Variants in EFHD1 observed in about 807,000 individuals in gnomAD.
EFHD1 encodes EF-hand domain-containing protein D1.
In EFHD1, 10 loss-of-function variants were observed where a neutral mutation model predicts 17.2. The observed-to-expected ratio is 0.58, with a 90% CI of 0.36 to 0.99. EFHD1 has a LOEUF of 0.99. Ranked by LOEUF, EFHD1 falls within the 50% of genes least tolerant of loss-of-function variation. The probability of loss-of-function intolerance (pLI) is 0.01; values close to 1 mark genes in which losing one functional copy is unlikely to be tolerated. For synonymous variants in EFHD1, 153 were observed against 142.0 expected (o/e 1.08, Z -0.55); for missense variants, 310 against 327.5 (o/e 0.95, Z 0.41).
At chr2:232,645,192 T>C (rs1463599732) in intron 1 of EFHD1, among the ~76,000 whole-genome samples, 1 of 152,092 alleles carries the variant, frequency 6.6e-6, no homozygotes, top group Non-Finnish European at 1.5e-5. Context: ...GCAGTGACAG[T>C]GGCAGCATCC....
Position 232,633,885 on chromosome 2 carries a change from C to A in EFHD1, c.181C>A (p.Arg61=). 6.5e-7 allele frequency: 1 copy of A among 1,548,098 alleles called. No individual in the cohort carries two copies. Among genetic ancestry groups the A allele is most frequent in the Non-Finnish European group, 8.6e-7 (1 of 1,157,800 alleles). The change falls in exon 1 of 4, where the codon CGG becomes AGG. Residue 61 remains arginine, a synonymous_variant. Transcript: ENST00000264059. The part of the protein sequence containing the change: ...ADAELSAQLS[R]RLDINEGAAR... ...CGCGGAGCTGAGCGCCCAGCTGAGC[C>A]GGCGGCTGGACATCAACGAGGGCGC...
In EFHD1 at chr2:232,633,615, G is replaced by T; in HGVS notation, c.-90G>T. The T allele has an allele frequency of 2.3e-6, 3 of 1,332,876 alleles. No homozygotes were observed. Among genetic ancestry groups the T allele is most frequent in the Non-Finnish European group, 2.9e-6 (3 of 1,049,874 alleles). The allele number at this position is 1,332,876 out of a possible 1,614,324, so 82.6% of individuals were successfully genotyped here. A position where few individuals can be genotyped will look rare whatever the true frequency, so the allele number is the denominator to read the frequency against. ...CCCGCCGCCTCGGCGGAGTGTTGTA[G>T]AGCCTCGAGCCTGCGAGGAGCGCGC... On this transcript the variant is annotated 5_prime_UTR_variant, in exon 1 of 4. Coordinates refer to ENST00000264059, the MANE Select transcript of EFHD1 (RefSeq NM_025202.4).
chr2:232,616,448 G>A (rs916524592), intron 1 of EFHD1, among the ~76,000 whole-genome samples: 4 of 151,998 alleles, frequency 2.6e-5, no homozygotes, highest in Non-Finnish European at 5.9e-5. Flanking sequence ...ACAGGCACAC[G>A]CCACCACACC....
At chr2:232,641,778 C>T (rs1341149275) in intron 1 of EFHD1, among the ~76,000 whole-genome samples, 1 of 152,236 alleles carries the variant, frequency 6.6e-6, no homozygotes, top group Non-Finnish European at 1.5e-5. Context: ...TCCCCTTTCT[C>T]ACTTCTCGGC....
At chr2:232,644,630 C>T (rs1694493536) in intron 1 of EFHD1, among the ~76,000 whole-genome samples, 1 of 151,894 alleles carries the variant, frequency 6.6e-6, no homozygotes, top group Non-Finnish European at 1.5e-5. Flanking sequence ...CTGTCTCAGC[C>T]TCCCGAGTAG....
chr2:232,668,925 C>G (rs764934874), intron 2 of EFHD1, among the ~76,000 whole-genome samples: 1 of 152,212 alleles, frequency 6.6e-6, no homozygotes, highest in Non-Finnish European at 1.5e-5. Flanking sequence ...TGAGCCACCA[C>G]GCCCAGCCAG....
intron 3 of EFHD1, among the ~76,000 whole-genome samples, chr2:232,677,093 C>T (rs1695186853): frequency 1.3e-5 from 2 of 152,152 alleles, no homozygotes; most frequent in East Asian, 3.9e-4. Flanking sequence ...GTAAAAGTGA[C>T]CTGGTGCAGT....
Position 232,615,529 on chromosome 2 carries a change from T to C in EFHD1, c.14+9356T>C, listed in dbSNP as rs369873819. ...GTGGATTGACCTCTGGATGGTACTG[T>C]CAGGCACAGAGGGGTTTTGTTTCTT... On this transcript the variant is annotated intron_variant, in intron 1 of 3. Transcript: ENST00000409613. 4.1e-4 allele frequency among the ~76,000 whole-genome samples: 63 copies of C among 152,204 alleles called. 2 individuals carry two copies. The South Asian group carries it at 0.013, about 31-fold the overall frequency.
At chr2:232,675,266 AAAAG>A (rs960837829) in intron 3 of EFHD1, among the ~76,000 whole-genome samples, 147 of 143,582 alleles carry the variant, frequency 1.0e-3, no homozygotes, top group African/African-American at 3.4e-3. Flanking sequence ...AAAAGAAAAG[AAAAG>A]AAAGAAAGAA....
chr2:232,670,390 G>A (rs988929529), intron 2 of EFHD1, among the ~76,000 whole-genome samples: 3 of 152,010 alleles, frequency 2.0e-5, no homozygotes, highest in African/African-American at 2.4e-5. Context: ...GCAGTGAGCC[G>A]AGATCGAGCC....
chr2:232,638,853 G>A (rs577882948), intron 1 of EFHD1, among the ~76,000 whole-genome samples: 1 of 152,334 alleles, frequency 6.6e-6, no homozygotes, highest in South Asian at 2.1e-4. Flanking sequence ...CACCTGCACT[G>A]GAGTTTGTAC....
intron 1 of EFHD1, among the ~76,000 whole-genome samples, chr2:232,612,620 C>G (rs1466917766): frequency 2.6e-5 from 4 of 152,120 alleles, no homozygotes; most frequent in Admixed American, 2.6e-4. Context: ...AGAGGCTGAC[C>G]ACACCAAGAC....
At position 232,681,995 on chromosome 2, in the gene EFHD1, C is replaced by T. The variant is rs534697970; in HGVS notation, c.*276C>T. On this transcript the variant is annotated 3_prime_UTR_variant, in exon 4 of 4. Transcript: ENST00000264059. ...ACTTGTATCTTCTCAGCAACCTTCA[C>T]TTTGTCCTTGTCCCTTTACCATTCC... is the stretch of plus-strand genomic sequence containing the variant. 8.6e-5 allele frequency: 34 copies of T among 396,288 alleles called. No homozygotes were observed. The highest frequency in any genetic ancestry group is 6.3e-4 in the African/African-American group (31 of 48,952). 24.5% of individuals were successfully genotyped at this position (396,288 alleles called of 1,614,324 possible).
intron 3 of EFHD1, among the ~76,000 whole-genome samples, chr2:232,673,344 A>G (rs1395857043): frequency 6.6e-6 from 1 of 152,210 alleles, no homozygotes; most frequent in Non-Finnish European, 1.5e-5. Context: ...GCTTAGCAGG[A>G]CAGTTTTCAC....
chr2:232,647,949 T>A (rs1165922729), intron 1 of EFHD1, among the ~76,000 whole-genome samples: 1 of 151,972 alleles, frequency 6.6e-6, no homozygotes, highest in East Asian at 1.9e-4. Context: ...CTTTCAGAAC[T>A]TTTATGCAGA....
chr2:232,618,405 G>A (rs561691219), intron 1 of EFHD1, among the ~76,000 whole-genome samples: 4 of 152,262 alleles, frequency 2.6e-5, no homozygotes, highest in South Asian at 4.1e-4. Flanking sequence ...ACAGGAACAC[G>A]TGCTCAACGT....
intron 3 of EFHD1, among the ~76,000 whole-genome samples, chr2:232,675,630 A>G (rs1024174226): frequency 6.6e-6 from 1 of 152,168 alleles, no homozygotes; most frequent in African/African-American, 2.4e-5. Context: ...GTGTTTGAGC[A>G]GGGCCTTGAC....
intron 3 of EFHD1, among the ~76,000 whole-genome samples, chr2:232,675,207 G>T (rs528666851): frequency 6.8e-6 from 1 of 147,694 alleles, no homozygotes; most frequent in Non-Finnish European, 1.5e-5. Flanking sequence ...GAAAAGAAAG[G>T]AAGGAAGGAA....
chr2:232,636,330 G>T (rs1471925864), intron 1 of EFHD1, among the ~76,000 whole-genome samples: 1 of 152,080 alleles, frequency 6.6e-6, no homozygotes, highest in Non-Finnish European at 1.5e-5. Flanking sequence ...AGGTTCCTTG[G>T]GCAGCTTATT....
Sources: gnomAD v4.1 joint callset for allele counts (sites outside exome capture counted in the v4.1 genomes callset) on GRCh38, gnomAD v4.1.1 for gene constraint, MANE v1.5 for transcripts, NCBI Gene and HGNC (gene_info 2026-07-23, HGNC 2026-07-21) for gene names.